Variants in FGGY observed in about 807,000 individuals in gnomAD.
FGGY encodes the protein FGGY carbohydrate kinase domain-containing protein.
FGGY carries 72 observed loss-of-function variants against 71.3 expected under a neutral mutation model. The observed-to-expected ratio is 1.01, with a 90% CI of 0.84 to 1.23. FGGY has a LOEUF of 1.23. Ranked by LOEUF, FGGY falls within the 50% of genes most tolerant of loss-of-function variation. The pLI is 0.00. For synonymous variants in FGGY, 251 were observed against 250.3 expected (o/e 1.00, Z -0.02); for missense variants, 668 against 682.3 (o/e 0.98, Z 0.23).
At chr1:59,523,951 G>A (rs898356289) in intron 7 of FGGY, among the ~76,000 whole-genome samples, 8 of 152,224 alleles carry the variant, frequency 5.3e-5, no homozygotes, top group Admixed American at 5.2e-4. Flanking sequence ...ACAGGTGGGA[G>A]CCCTGTCCCC....
chr1:59,346,603 A>G (rs2051973037), intron 4 of FGGY, among the ~76,000 whole-genome samples: 1 of 152,128 alleles, frequency 6.6e-6, no homozygotes, highest in African/African-American at 2.4e-5. Context: ...AGGCACTGTG[A>G]CAAGTATTGT....
intron 9 of FGGY, 98 bp from the exon 10 acceptor site, chr1:59,625,890 G>C: frequency 3.4e-6 from 3 of 871,738 alleles, no homozygotes; most frequent in Non-Finnish European, 5.0e-6. Context: ...TATGGACAAA[G>C]AGTTGAAAGA....
At chr1:59,595,427 A>C (rs1412789842) in intron 8 of FGGY, among the ~76,000 whole-genome samples, 1 of 152,214 alleles carries the variant, frequency 6.6e-6, no homozygotes, top group Admixed American at 6.5e-5. Flanking sequence ...GCGGTGGCTC[A>C]TGCCTGTAAT....
At chr1:59,595,004 A>C (rs1224362876) in intron 8 of FGGY, among the ~76,000 whole-genome samples, 2 of 152,184 alleles carry the variant, frequency 1.3e-5, no homozygotes, top group Non-Finnish European at 2.9e-5. Flanking sequence ...GGAAAGGGGA[A>C]GGGCTGGTTC....
At chr1:59,452,686 A>C (rs1200481046) in intron 5 of FGGY, among the ~76,000 whole-genome samples, 1 of 152,220 alleles carries the variant, frequency 6.6e-6, no homozygotes, top group Non-Finnish European at 1.5e-5. Flanking sequence ...AAAGCAGTGA[A>C]AGGTACATCA....
rs1345995597 is a variant in FGGY, at chr1:59,583,552, T to C, written c.904-24251T>C. Among the ~76,000 whole-genome samples, 7 of 142,582 alleles carry C rather than the reference T, an allele frequency of 4.9e-5. 1 individual carries two copies. The highest frequency in any genetic ancestry group is 4.8e-4 in the Admixed American group (7 of 14,564). The allele number at this position is 142,582 out of a possible 152,430, so 93.5% of individuals were successfully genotyped here. A position where few individuals can be genotyped will look rare whatever the true frequency, so the allele number is the denominator to read the frequency against. ...AGCATGAAAGGTCTCTAGAAAACCT[T>C]GGTTGTTTAGACATGTTTTAGGGAC... On this transcript the variant is annotated intron_variant, in intron 8 of 15. Coordinates refer to ENST00000303721, the MANE Select transcript of FGGY (RefSeq NM_018291.5).
rs568116533 is a variant in FGGY, at chr1:59,374,677, G to A, written c.466-4072G>A. ...CCCAAATGTCCAACAATGATAGACT[G>A]GATTAAGAAAATGTGGCACATATAC... On this transcript the variant is annotated intron_variant, in intron 4 of 15. Coordinates refer to ENST00000303721, the MANE Select transcript of FGGY (RefSeq NM_018291.5). 6.2e-4 allele frequency among the ~76,000 whole-genome samples: 95 copies of A among 152,086 alleles called. 1 individual carries two copies. The highest frequency in any genetic ancestry group is 8.8e-5 in the Non-Finnish European group (6 of 67,988).
intron 3 of FGGY, among the ~76,000 whole-genome samples, chr1:59,344,452 T>C (rs575513525): frequency 1.3e-5 from 2 of 152,294 alleles, no homozygotes; most frequent in African/African-American, 4.8e-5. Flanking sequence ...AAAAAAGATA[T>C]TTGTAACTTC....
At chr1:59,721,143 C>A (rs569262032) in intron 14 of FGGY, among the ~76,000 whole-genome samples, 2 of 152,236 alleles carry the variant, frequency 1.3e-5, no homozygotes, top group South Asian at 4.1e-4. Context: ...CATTCTCTGT[C>A]CCCCTTGCCC....
Position 59,576,677 on chromosome 1 carries a change from GACACAC to G in FGGY, c.903+22482_903+22487del, listed in dbSNP as rs57817494. 9.1e-3 allele frequency among the ~76,000 whole-genome samples: 1,187 copies of G among 130,114 alleles called. 8 individuals carry two copies. The highest frequency in any genetic ancestry group is 0.032 in the Middle Eastern group (9 of 282). The allele number at this position is 130,114 out of a possible 152,430, so 85.4% of individuals were successfully genotyped here. ...TTACAGACAGACAGACAGACAGACA[GACACAC>G]ACACACACACACACACACACACACA... On this transcript the variant is annotated intron_variant, in intron 8 of 15. Transcript: ENST00000303721.
intron 8 of FGGY, among the ~76,000 whole-genome samples, chr1:59,593,104 C>T (rs1403630464): frequency 3.9e-5 from 6 of 152,196 alleles, no homozygotes; most frequent in African/African-American, 1.2e-4. Context: ...CTAGGGAAGG[C>T]CCCACTCTGT....
chr1:59,734,830 C>T (rs1446040397), intron 14 of FGGY, among the ~76,000 whole-genome samples: 2 of 152,156 alleles, frequency 1.3e-5, no homozygotes, highest in Non-Finnish European at 2.9e-5. Context: ...TGCTCTTCCT[C>T]CTGCTTCTGA....
At chr1:59,740,891 T>C (rs2098141741) in intron 14 of FGGY, among the ~76,000 whole-genome samples, 1 of 152,188 alleles carries the variant, frequency 6.6e-6, no homozygotes, top group South Asian at 2.1e-4. Context: ...AATTGCAATA[T>C]GTAAGATACA....
chr1:59,495,288 TTACTC>T (rs1316520294), intron 6 of FGGY, among the ~76,000 whole-genome samples: 1 of 152,188 alleles, frequency 6.6e-6, no homozygotes, highest in Non-Finnish European at 1.5e-5. Context: ...GGTTGACTGT[TTACTC>T]TATTGATAGT....
intron 4 of FGGY, among the ~76,000 whole-genome samples, chr1:59,372,555 T>C (rs578069918): frequency 6.6e-6 from 1 of 152,270 alleles, no homozygotes; most frequent in Admixed American, 6.5e-5. Context: ...CCTAACTCAT[T>C]TTATGAGGCC....
chr1:59,370,891 T>G (rs971967429), intron 4 of FGGY, among the ~76,000 whole-genome samples: 7 of 152,118 alleles, frequency 4.6e-5, no homozygotes, highest in African/African-American at 1.7e-4. Flanking sequence ...GGACCTAAAA[T>G]AGCTCCTGAA....
intron 3 of FGGY, among the ~76,000 whole-genome samples, chr1:59,344,033 T>G (rs187541775): frequency 2.5e-4 from 38 of 152,310 alleles, no homozygotes; most frequent in Admixed American, 5.2e-4. Flanking sequence ...TCAGTATTTT[T>G]AAAAGTTATC....
chr1:59,411,327 T>C (rs1470099114), intron 5 of FGGY, among the ~76,000 whole-genome samples: 2 of 152,258 alleles, frequency 1.3e-5, no homozygotes, highest in Non-Finnish European at 2.9e-5. Context: ...TCACAGTGCA[T>C]CACAGCAGGA....
chr1:59,449,706 T>C (rs950148194), intron 5 of FGGY, among the ~76,000 whole-genome samples: 5 of 152,112 alleles, frequency 3.3e-5, no homozygotes, highest in African/African-American at 1.2e-4. Flanking sequence ...CTCACACCTG[T>C]AATCCCAGCT....
Sources: allele counts gnomAD v4.1 joint callset (sites outside exome capture counted in the v4.1 genomes callset), GRCh38; gene constraint gnomAD v4.1.1; transcripts MANE v1.5; gene names NCBI Gene and HGNC (gene_info 2026-07-23, HGNC 2026-07-21).